The following CD84 variants were observed in gnomAD, a reference collection of about 807,000 sequenced individuals.
CD84 encodes SLAM family member 5.
Under a neutral mutation model 33.8 loss-of-function variants are expected in CD84, and 22 were observed. The ratio of observed to expected loss-of-function variants is 0.65; its 90% CI spans 0.46 to 0.93. The LOEUF (loss-of-function observed/expected upper bound fraction) is 0.93. Among genes scored for constraint, CD84 ranks in the 40% least tolerant of loss-of-function variants. The probability of loss-of-function intolerance (pLI) is 0.00; values close to 1 mark genes in which losing one functional copy is unlikely to be tolerated. For synonymous variants in CD84, 154 were observed against 145.2 expected (o/e 1.06, Z -0.44); for missense variants, 400 against 397.6 (o/e 1.01, Z -0.05).
At chr1:160,557,426 A>C (rs924251376) in intron 2 of CD84, among the ~76,000 whole-genome samples, 1 of 152,248 alleles carries the variant, frequency 6.6e-6, no homozygotes, top group Non-Finnish European at 1.5e-5. Context: ...TACAGTGATA[A>C]ACAATATACA....
chr1:160,574,342 A>C (rs1657873036), intron 1 of CD84, among the ~76,000 whole-genome samples: 1 of 152,050 alleles, frequency 6.6e-6, no homozygotes, highest in South Asian at 2.1e-4. Context: ...TTGTGAAGAA[A>C]ATTTTTTAGA....
intron 1 of CD84, among the ~76,000 whole-genome samples, chr1:160,570,182 T>G (rs1460911245): frequency 6.6e-6 from 1 of 152,222 alleles, no homozygotes. Flanking sequence ...ATCAATATAT[T>G]TTGAGTTTCT....
At position 160,550,958 on chromosome 1, in the gene CD84, C is replaced by G. The variant is rs1485483330; in HGVS notation, c.838G>C (p.Asp280His). Residue 280 changes from aspartate (D) to histidine (H), a missense_variant, in exon 5 of 7, where the codon GAT becomes CAT. Physicochemically the swap from Asp to His is moderately conservative, Grantham distance 81. Coordinates refer to ENST00000368054, the MANE Select transcript of CD84 (RefSeq NM_003874.4). ...NTQPAESRIY[D>H]EILQSKVLPS... is the part of the protein sequence containing the mutation. The stretch of plus-strand genomic sequence containing the variant: ...CTCACCTTGGACTGCAGGATTTCAT[C>G]ATAGATTCTGGACTCTGCTGGCTGG... The G allele has an allele frequency of 3.1e-6, 5 of 1,614,060 alleles. No homozygotes were observed. The Admixed American group carries it at 8.3e-5, about 27-fold the overall frequency.
At chr1:160,578,365 G>T (rs967644933) in intron 1 of CD84, among the ~76,000 whole-genome samples, 2 of 152,084 alleles carry the variant, frequency 1.3e-5, no homozygotes, top group Non-Finnish European at 2.9e-5. Context: ...ATTCTAGAGC[G>T]ACCAGCAGAG....
In CD84 at chr1:160,547,995, G is replaced by A. The variant is rs970636439; in HGVS notation, c.*261C>T. The stretch of plus-strand genomic sequence containing the variant: ...TTATTTTCTACATGTGCTATGATGG[G>A]AAGAAGTTTGGGAAAACTATACTAG... On this transcript the variant is annotated 3_prime_UTR_variant, in exon 7 of 7. Transcript: ENST00000368054. The A allele has an allele frequency of 5.9e-6, 3 of 506,460 alleles. No individual in the cohort carries two copies. Among genetic ancestry groups the A allele is most frequent in the Non-Finnish European group, 1.1e-5 (3 of 279,342 alleles). The allele number at this position is 506,460 out of a possible 1,614,324, so 31.4% of individuals were successfully genotyped here.
At chr1:160,548,715 C>T (rs979683731) in intron 6 of CD84, among the ~76,000 whole-genome samples, 1 of 152,180 alleles carries the variant, frequency 6.6e-6, no homozygotes, top group Non-Finnish European at 1.5e-5. Context: ...ATAGTGGGGA[C>T]TCACTGCCAG....
chr1:160,546,921 C>T lies in CD84; in HGVS notation c.*1335G>A. The stretch of plus-strand genomic sequence containing the variant: ...CTAGATGAGTCTATGGATTCATTTA[C>T]TGGGACTGATGTCTTTATCTGCCTA... On this transcript the variant is annotated 3_prime_UTR_variant, in exon 7 of 7. Transcript: ENST00000368054. 1 of 389,020 alleles carries T rather than the reference C, an allele frequency of 2.6e-6. No individual in the cohort carries two copies. The highest frequency in any genetic ancestry group is 4.5e-6 in the Non-Finnish European group (1 of 220,390). The allele number at this position is 389,020 out of a possible 1,614,324, so 24.1% of individuals were successfully genotyped here.
intron 1 of CD84, 61 bp from the exon 2 acceptor site, chr1:160,565,806 C>G: frequency 7.1e-7 from 1 of 1,413,946 alleles, no homozygotes; most frequent in Non-Finnish European, 9.4e-7. Context: ...ACTTCCTAAT[C>G]TTTTTGGCCT....
At chr1:160,578,487 A>G (rs773819169) in intron 1 of CD84, among the ~76,000 whole-genome samples, 1 of 152,182 alleles carries the variant, frequency 6.6e-6, no homozygotes, top group Non-Finnish European at 1.5e-5. Context: ...CATTGATTCT[A>G]CCTTTACAGA....
Position 160,553,748 on chromosome 1 carries a change from T to C in CD84, c.640+147A>G, listed in dbSNP as rs1034358696. On this transcript the variant is annotated intron_variant, in intron 3 of 6. Transcript: ENST00000368054. Reference sequence around the variant, plus strand: ...CAGAAGGCTTTGGCCTCTTTCCCAGTAGGCTTCTTGGGAGGTGATGCCCTC... The same window carrying C: ...CAGAAGGCTTTGGCCTCTTTCCCAGCAGGCTTCTTGGGAGGTGATGCCCTC... 1.4e-5 allele frequency: 18 copies of C among 1,298,204 alleles called. No individual in the cohort carries two copies. The Admixed American group carries it at 2.2e-4, about 16-fold the overall frequency. 80.4% of individuals were successfully genotyped at this position (1,298,204 alleles called of 1,614,324 possible). A position where few individuals can be genotyped will look rare whatever the true frequency, so the allele number is the denominator to read the frequency against.
chr1:160,562,385 C>T (rs1287226179), intron 2 of CD84, among the ~76,000 whole-genome samples: 1 of 152,018 alleles, frequency 6.6e-6, no homozygotes, highest in East Asian at 1.9e-4. Flanking sequence ...GACACATAGA[C>T]CAATGGAACA....
chr1:160,554,008 T>C lies in CD84; in HGVS notation c.527A>G (p.Asn176Ser). Reference protein sequence around the residue: ...YNWSPLGEEGNVLQIFQTPED... With the variant: ...YNWSPLGEEGSVLQIFQTPED... ...AGGAGTCTGGAAGATTTGAAGGACA[T>C]TACCCTCTTCTCCCAGGGGACTCCA... The change falls in exon 3 of 7, where the codon AAT becomes AGT. Residue 176 changes from asparagine to serine, a missense_variant. Asn to Ser is a conservative substitution (Grantham distance 46). Coordinates refer to ENST00000368054, the MANE Select transcript of CD84 (RefSeq NM_003874.4). 6.2e-7 allele frequency: 1 copy of C among 1,614,232 alleles called. No homozygotes were observed. Among genetic ancestry groups the C allele is most frequent in the East Asian group, 2.2e-5 (1 of 44,884 alleles).
chr1:160,555,901 C>T (rs1656577101), intron 2 of CD84, among the ~76,000 whole-genome samples: 1 of 152,134 alleles, frequency 6.6e-6, no homozygotes, highest in Non-Finnish European at 1.5e-5. Context: ...AAATTCTGGT[C>T]CTAACAATCT....
At chr1:160,575,800 C>A (rs918927107) in intron 1 of CD84, among the ~76,000 whole-genome samples, 9 of 152,130 alleles carry the variant, frequency 5.9e-5, no homozygotes, top group Non-Finnish European at 8.8e-5. Context: ...TTGGCACCGA[C>A]CATCAGGCTC....
In CD84 at chr1:160,547,843, A is replaced by G; in HGVS notation, c.*413T>C. 1 of 229,322 alleles carries G rather than the reference A, an allele frequency of 4.4e-6. No homozygotes were observed. The highest frequency in any genetic ancestry group is 8.7e-6 in the Non-Finnish European group (1 of 114,832). 14.2% of individuals were successfully genotyped at this position (229,322 alleles called of 1,614,324 possible). The stretch of plus-strand genomic sequence containing the variant: ...CCATGGCCTATTACAGGTGTGCAAA[A>G]TATTGATCCCCTTCTCCCACAGTTA... On this transcript the variant is annotated 3_prime_UTR_variant, in exon 7 of 7. Coordinates refer to ENST00000368054, the MANE Select transcript of CD84 (RefSeq NM_003874.4).
chr1:160,542,889 CTTAT>C lies in CD84; in HGVS notation c.*5363_*5366del, dbSNP rs1655615010. The C allele has an allele frequency of 6.6e-6, 1 of 152,128 alleles. No individual in the cohort carries two copies. Among genetic ancestry groups the C allele is most frequent in the Non-Finnish European group, 1.5e-5 (1 of 68,032 alleles). 9.4% of individuals were successfully genotyped at this position (152,128 alleles called of 1,614,324 possible). ...TGGACCCCTCACACTTGGATGGGGG[CTTAT>C]TTAAGTCTAAACATGCACAGTTGTT... On this transcript the variant is annotated 3_prime_UTR_variant, in exon 7 of 7. Coordinates refer to ENST00000368054, the MANE Select transcript of CD84 (RefSeq NM_003874.4).
rs559725255 is a variant in CD84 at position 160,543,933 on chromosome 1, A to G, written c.*4323T>C. The G allele has an allele frequency of 6.6e-6, 1 of 152,204 alleles. No individual in the cohort carries two copies. The highest frequency in any genetic ancestry group is 2.4e-5 in the African/African-American group (1 of 41,512). 9.4% of individuals were successfully genotyped at this position (152,204 alleles called of 1,614,324 possible). On this transcript the variant is annotated 3_prime_UTR_variant, in exon 7 of 7. Transcript: ENST00000368054. ...GCACAGGCACATTCCTGTATGAGCA[A>G]CACCTCATTTAATCCCCACATCAAC...
intron 1 of CD84, among the ~76,000 whole-genome samples, chr1:160,576,442 G>T (rs1657995834): frequency 1.3e-5 from 2 of 152,164 alleles, no homozygotes; most frequent in South Asian, 4.1e-4. Flanking sequence ...TCACTGCCCT[G>T]CCTAAACTTC....
At chr1:160,578,171 A>T (rs542412592) in intron 1 of CD84, among the ~76,000 whole-genome samples, 1 of 152,194 alleles carries the variant, frequency 6.6e-6, no homozygotes, top group Non-Finnish European at 1.5e-5. Context: ...GCATAATGGG[A>T]TTAATAACGT....
Sources: allele counts gnomAD v4.1 joint callset (sites outside exome capture counted in the v4.1 genomes callset), GRCh38; gene constraint gnomAD v4.1.1; transcripts MANE v1.5; gene names NCBI Gene and HGNC (gene_info 2026-07-23, HGNC 2026-07-21).